Variants in FGF13 observed in about 807,000 individuals in gnomAD.
FGF13 encodes the protein fibroblast growth factor 13, also known as fibroblast growth factor homologous factor 2.
FGF13 carries 2 observed loss-of-function variants against 19.5 expected under a neutral mutation model. The ratio of observed to expected loss-of-function variants is 0.10; its 90% CI spans 0.04 to 0.32. The LOEUF is 0.32. Among genes scored for constraint, FGF13 ranks in the 10% least tolerant of loss-of-function variants. The probability of loss-of-function intolerance (pLI) is 1.00; values close to 1 mark genes in which losing one functional copy is unlikely to be tolerated. For synonymous variants in FGF13, 72 were observed against 76.9 expected, an observed-to-expected ratio of 0.94 and a Z score of 0.33; for missense variants, 113 against 192.7, an observed-to-expected ratio of 0.59 and a Z score of 2.45.
chrX:138,928,325 A>G lies in FGF13; in HGVS notation c.-112-63675T>C, dbSNP rs189829432. ...TAAATTTTAAAATTAAATAATTTAA[A>G]TATTTTAAAGTAAGCAATAGGCATT... On this transcript the variant is annotated intron_variant, in intron 1 of 2. Coordinates refer to the FGF13 transcript ENST00000421460. 7.1e-3 allele frequency among the ~76,000 whole-genome samples: 786 copies of G among 110,697 alleles called. 4 individuals are homozygous for G. The highest frequency in any genetic ancestry group is 0.011 in the Non-Finnish European group (568 of 52,868).
chrX:138,650,503 T>C (rs1479220443), intron 3 of FGF13, among the ~76,000 whole-genome samples: 1 of 111,933 alleles, frequency 8.9e-6, no homozygotes, highest in Non-Finnish European at 1.9e-5. Flanking sequence ...TACAAGAACA[T>C]ACAAGTCGTA....
At chrX:139,036,685 TA>T (rs2092251673) in intron 1 of FGF13, among the ~76,000 whole-genome samples, 1 of 111,107 alleles carries the variant, frequency 9.0e-6, no homozygotes, top group African/African-American at 3.3e-5. Context: ...CTGGGCAATT[TA>T]CAAAAGAAAG....
At chrX:139,087,324 T>G (rs1296142799) in intron 1 of FGF13, among the ~76,000 whole-genome samples, 1 of 109,600 alleles carries the variant, frequency 9.1e-6, no homozygotes, top group Non-Finnish European at 1.9e-5. Flanking sequence ...GAAACTTAGG[T>G]GAGAGAACAA....
chrX:138,834,567 A>T (rs1602934627), intron 3 of FGF13, among the ~76,000 whole-genome samples: 1 of 103,321 alleles, frequency 9.7e-6, no homozygotes, highest in Non-Finnish European at 2.0e-5. Flanking sequence ...CTAGCAGTCT[A>T]TTTTATTTAC....
intron 1 of FGF13, among the ~76,000 whole-genome samples, chrX:139,195,290 C>G (rs1235389959): frequency 1.8e-5 from 2 of 111,776 alleles, no homozygotes; most frequent in Non-Finnish European, 3.8e-5. Flanking sequence ...CCGAAAATCA[C>G]TCACAAATTC....
chrX:138,873,530 T>C (rs978591324), intron 1 of FGF13, among the ~76,000 whole-genome samples: 15 of 111,729 alleles, frequency 1.3e-4, no homozygotes, highest in African/African-American at 4.9e-4. Context: ...TCATTCTTCT[T>C]GAATGGCATT....
chrX:139,077,521 C>T (rs1358335782), intron 1 of FGF13, among the ~76,000 whole-genome samples: 3 of 111,493 alleles, frequency 2.7e-5, no homozygotes, highest in East Asian at 5.7e-4. Flanking sequence ...GCACCTAGCA[C>T]GGTGCCAGGC....
chrX:139,009,332 T>C (rs893010788), intron 1 of FGF13, among the ~76,000 whole-genome samples: 1 of 111,104 alleles, frequency 9.0e-6, no homozygotes, highest in African/African-American at 3.3e-5. Context: ...AAAAAGATCA[T>C]CACCTAGGCA....
chrX:138,824,924 C>A (rs2091024267), intron 3 of FGF13, among the ~76,000 whole-genome samples: 1 of 111,851 alleles, frequency 8.9e-6, no homozygotes, highest in African/African-American at 3.2e-5. Context: ...TCATGCTCAA[C>A]CATTTTCTCC....
At chrX:138,694,764 ACG>A (rs2089877247) in intron 3 of FGF13, among the ~76,000 whole-genome samples, 1 of 108,929 alleles carries the variant, frequency 9.2e-6, no homozygotes. Flanking sequence ...GCGTGAGCCC[ACG>A]TGCCCGGCCA....
At chrX:138,780,642 C>T (rs1196690713) in intron 3 of FGF13, among the ~76,000 whole-genome samples, 1 of 98,718 alleles carries the variant, frequency 1.0e-5, no homozygotes, top group Non-Finnish European at 2.1e-5. Context: ...GCACCCAATA[C>T]AGGAGCACCC....
intron 3 of FGF13, among the ~76,000 whole-genome samples, chrX:138,832,897 G>A (rs879050431): frequency 4.5e-5 from 5 of 111,477 alleles, no homozygotes; most frequent in East Asian, 2.8e-4. Context: ...CATTTATCCC[G>A]GCACAATTTA....
At chrX:138,876,921 C>A (rs765093943) in intron 1 of FGF13, among the ~76,000 whole-genome samples, 4 of 112,588 alleles carry the variant, frequency 3.6e-5, no homozygotes, top group Non-Finnish European at 7.5e-5. Context: ...AGAAAAATTT[C>A]TTAATAGAAT....
In FGF13 at chrX:138,627,141, GAC is replaced by G. The variant is rs2089070386; in HGVS notation, c.*5707_*5708del. 9.0e-6 allele frequency: 1 copy of G among 111,393 alleles called. No individual in the cohort carries two copies. Among genetic ancestry groups the G allele is most frequent in the Non-Finnish European group, 1.9e-5 (1 of 53,110 alleles). The allele number at this position is 111,393 out of a possible 1,213,427, so 9.2% of individuals were successfully genotyped here. On this transcript the variant is annotated 3_prime_UTR_variant, in exon 5 of 5. Coordinates refer to ENST00000315930, the MANE Select transcript of FGF13 (RefSeq NM_004114.5). ...CCAGAATATCTTTTTCTACAAAATTGACACAGTTTCAATCCATTTATCTTTGT... is the reference window on the plus strand; with the variant it reads ...CCAGAATATCTTTTTCTACAAAATTGACAGTTTCAATCCATTTATCTTTGT...
rs993054561 is a variant in FGF13 at position 138,626,419 on chromosome X, A to T, written c.*6431T>A. 2 of 111,778 alleles carry T rather than the reference A, an allele frequency of 1.8e-5. No homozygotes were observed. The highest frequency in any genetic ancestry group is 3.8e-5 in the Non-Finnish European group (2 of 53,145). 9.2% of individuals were successfully genotyped at this position (111,778 alleles called of 1,213,427 possible). A position where few individuals can be genotyped will look rare whatever the true frequency, so the allele number is the denominator to read the frequency against. The stretch of plus-strand genomic sequence containing the variant: ...CTTCCCTTCTGGCTGTTGAATTCCT[A>T]CTCATCTTTTAAGACTCCACTGAAA... On this transcript the variant is annotated 3_prime_UTR_variant, in exon 5 of 5. Coordinates refer to ENST00000315930, the MANE Select transcript of FGF13 (RefSeq NM_004114.5).
intron 1 of FGF13, among the ~76,000 whole-genome samples, chrX:139,023,722 T>C (rs1180241639): frequency 9.0e-6 from 1 of 111,182 alleles, no homozygotes; most frequent in East Asian, 2.8e-4. Context: ...CGGTAGAAGA[T>C]TATTGATGAC....
At chrX:139,169,830 C>A (rs1259171873) in intron 1 of FGF13, among the ~76,000 whole-genome samples, 1 of 111,674 alleles carries the variant, frequency 9.0e-6, no homozygotes, top group East Asian at 2.8e-4. Flanking sequence ...TTTTTCGGTG[C>A]CCAACCATGA....
intron 1 of FGF13, among the ~76,000 whole-genome samples, chrX:138,909,216 T>C (rs148599261): frequency 0.021 from 2,342 of 111,938 alleles, 72 homozygotes; most frequent in African/African-American, 0.072. Context: ...GGGATGGAGA[T>C]AATGATCAGC....
chrX:138,807,596 T>G (rs954355025), intron 3 of FGF13, among the ~76,000 whole-genome samples: 1 of 111,652 alleles, frequency 9.0e-6, no homozygotes, highest in African/African-American at 3.3e-5. Flanking sequence ...CATAACAATA[T>G]TAACATTAAC....
Sources: allele counts gnomAD v4.1 joint callset (sites outside exome capture counted in the v4.1 genomes callset), GRCh38; gene constraint gnomAD v4.1.1; transcripts MANE v1.5; gene names NCBI Gene and HGNC (gene_info 2026-07-23, HGNC 2026-07-21).